Variants in ATG3 observed in about 807,000 individuals in gnomAD.
ATG3 encodes the protein ubiquitin-like-conjugating enzyme ATG3.
ATG3 carries 25 observed loss-of-function variants against 50.7 expected under a neutral mutation model. The observed-to-expected ratio is 0.49, with a 90% confidence interval of 0.36 to 0.69. ATG3 has a LOEUF of 0.69. Ranked by LOEUF, ATG3 falls within the 30% of genes least tolerant of loss-of-function variation. ATG3 has a pLI of 0.00. For missense variants in ATG3, 281 were observed against 376.0 expected (o/e 0.75, Z 2.09); for synonymous variants, 119 against 125.5 (o/e 0.95, Z 0.34).
chr3:112,540,609 G>C (rs1174556302), intron 7 of ATG3, among the ~76,000 whole-genome samples: 1 of 151,550 alleles, frequency 6.6e-6, no homozygotes, highest in Non-Finnish European at 1.5e-5. Flanking sequence ...AAAAATCTGG[G>C]AGTACAGAGA....
intron 11 of ATG3, 80 bp from the exon 12 acceptor site, chr3:112,532,860 T>C: frequency 7.2e-7 from 1 of 1,384,246 alleles, no homozygotes; most frequent in Non-Finnish European, 9.4e-7. Flanking sequence ...TCCATTTTAT[T>C]AAGCCATTAA....
intron 2 of ATG3, among the ~76,000 whole-genome samples, chr3:112,556,903 T>C (rs1445084877): frequency 6.6e-6 from 1 of 151,616 alleles, no homozygotes; most frequent in African/African-American, 2.4e-5. Context: ...GGCCACAGGG[T>C]CCTCTGCCTA....
intron 11 of ATG3, chr3:112,533,215 G>C: frequency 2.0e-6 from 2 of 985,384 alleles, no homozygotes; most frequent in Non-Finnish European, 2.4e-6. Context: ...ACTGATTCTA[G>C]GTTAGTGTAT....
chr3:112,553,724 G>A (rs1312729450), intron 2 of ATG3, among the ~76,000 whole-genome samples: 1 of 152,016 alleles, frequency 6.6e-6, no homozygotes, highest in Non-Finnish European at 1.5e-5. Context: ...GCCAATGACT[G>A]AAAATACAAT....
chr3:112,536,612 TA>T lies in ATG3; in HGVS notation c.667-11del, dbSNP rs1177825604. On this transcript the variant is annotated splice_polypyrimidine_tract_variant and intron_variant, in intron 9 of 11. Coordinates refer to ENST00000283290, the MANE Select transcript of ATG3 (RefSeq NM_022488.5). ...TTAAAGGCTGCCGTTGCTGAAAGCA[TA>T]AAAAATGCTTTGAAATTACTATTTA... 1.9e-6 allele frequency: 3 copies of T among 1,612,050 alleles called. No homozygotes were observed. Among genetic ancestry groups the T allele is most frequent in the Non-Finnish European group, 2.5e-6 (3 of 1,178,310 alleles).
chr3:112,536,185 C>T (rs1460466038), intron 10 of ATG3: 3 of 317,156 alleles, frequency 9.5e-6, no homozygotes, highest in Non-Finnish European at 1.8e-5. Flanking sequence ...CCAAACTGTT[C>T]TGGAAGCTAA....
At chr3:112,542,631 A>G (rs1417156040) in intron 6 of ATG3, among the ~76,000 whole-genome samples, 1 of 152,110 alleles carries the variant, frequency 6.6e-6, no homozygotes, top group Non-Finnish European at 1.5e-5. Context: ...ACAAAACCAC[A>G]AAACCATCAG....
chr3:112,550,627 T>A (rs1354273761), intron 3 of ATG3, among the ~76,000 whole-genome samples: 5 of 152,190 alleles, frequency 3.3e-5, no homozygotes, highest in Non-Finnish European at 4.4e-5. Context: ...CTCACATTTT[T>A]AATCCTAAAG....
chr3:112,533,080 A>T (rs1559840702), intron 11 of ATG3: 2 of 1,020,546 alleles, frequency 2.0e-6, no homozygotes, highest in Non-Finnish European at 2.3e-6. Flanking sequence ...AATGAGTACA[A>T]AATGTACTCA....
chr3:112,535,737 T>C (rs1933024731), intron 10 of ATG3: 1 of 152,198 alleles, frequency 6.6e-6, no homozygotes, highest in African/African-American at 2.4e-5. Flanking sequence ...ACAAAATGTT[T>C]CATCTAACTA....
rs1933745006 is a variant in ATG3 at position 112,558,387 on chromosome 3, T to C, written c.103A>G (p.Thr35Ala). The C allele has an allele frequency of 6.2e-7, 1 of 1,605,244 alleles. No homozygotes were observed. The highest frequency in any genetic ancestry group is 1.1e-5 in the South Asian group (1 of 90,728). The change falls in exon 2 of 12, where the codon ACC becomes GCC. Residue 35 changes from threonine to alanine, a missense_variant. By Grantham distance (58) the Thr-to-Ala change is moderately conservative. Around this residue, in one of 3 missense-constraint regions of ATG3, gnomAD observed 17 missense variants for 48.2 expected, o/e 0.35. Coordinates refer to ENST00000283290, the MANE Select transcript of ATG3 (RefSeq NM_022488.5). ...TCTTCAGCACTCACCTCTTCTGGGG[T>C]AATTACACCTGTTTCCTTAAACTTT... is the stretch of plus-strand genomic sequence containing the variant. ...ESKFKETGVI[T>A]PEEFVAAGDH...
rs1933127099 is a variant in ATG3, at chr3:112,538,198, C to T, written c.476-18G>A. 2 of 1,556,752 alleles carry T rather than the reference C, an allele frequency of 1.3e-6. No homozygotes were observed. The highest frequency in any genetic ancestry group is 2.8e-5 in the African/African-American group (2 of 72,498). Reference sequence around the variant, plus strand: ...TTCATATTCTGTTATAAAAAAACAACAAAAGATTAATCAAGTTCAAGTTCA... The same window carrying T: ...TTCATATTCTGTTATAAAAAAACAATAAAAGATTAATCAAGTTCAAGTTCA... On this transcript the variant is annotated intron_variant, in intron 7 of 11. Transcript: ENST00000283290.
chr3:112,538,013 AG>A (rs1256058876), intron 8 of ATG3, 123 bp from the exon 9 acceptor site: 11 of 1,235,536 alleles, frequency 8.9e-6, no homozygotes, highest in Non-Finnish European at 1.2e-5. Context: ...TGGAACTCAA[AG>A]CTACGTTTTA....
chr3:112,543,658 T>C lies in ATG3; in HGVS notation c.393+399A>G, dbSNP rs1933292125. Among the ~76,000 whole-genome samples, 3 of 152,168 alleles carry C rather than the reference T, an allele frequency of 2.0e-5. No homozygotes were observed. The South Asian group carries it at 6.2e-4, about 32-fold the overall frequency. On this transcript the variant is annotated intron_variant, in intron 6 of 11. Coordinates refer to ENST00000283290, the MANE Select transcript of ATG3 (RefSeq NM_022488.5). ...TTAATATATCATTAGCATCTACTAG[T>C]AAGCAAGTAGTTAATTCCACCCCAA...
Position 112,558,224 on chromosome 3 carries a change from GGGA to G in ATG3, c.114+149_114+151del, listed in dbSNP as rs1485504855. 2.4e-5 allele frequency: 14 copies of G among 591,038 alleles called. No homozygotes were observed. In the Admixed American group the frequency reaches 4.5e-4, roughly 19 times the overall value. The allele number at this position is 591,038 out of a possible 1,614,324, so 36.6% of individuals were successfully genotyped here. On this transcript the variant is annotated intron_variant, in intron 2 of 11. Coordinates refer to ENST00000283290, the MANE Select transcript of ATG3 (RefSeq NM_022488.5). ...GGGGAAGTTACATCTTTTCTTCTAT[GGGA>G]AGTAGAAATTCCCATAAATCACAGT...
intron 5 of ATG3, among the ~76,000 whole-genome samples, chr3:112,547,196 G>T (rs966454594): frequency 6.6e-6 from 1 of 152,220 alleles, no homozygotes; most frequent in Non-Finnish European, 1.5e-5. Context: ...GTATCCAGTG[G>T]TTACAGGCCA....
At chr3:112,548,683 G>A (rs764973989) in intron 4 of ATG3, 43 bp from the exon 5 acceptor site, 2 of 1,489,060 alleles carry the variant, frequency 1.3e-6, no homozygotes, top group Admixed American at 1.7e-5. Flanking sequence ...CACGTAATCT[G>A]CTAACCATAA....
chr3:112,559,688 C>T (rs1416102869), intron 1 of ATG3, among the ~76,000 whole-genome samples: 1 of 152,178 alleles, frequency 6.6e-6, no homozygotes, highest in African/African-American at 2.4e-5. Flanking sequence ...AGAGCACATG[C>T]AAAACCCCAA....
At chr3:112,561,363 G>T (rs1480595451) in intron 1 of ATG3, 94 bp downstream of exon 1, 34 of 1,315,774 alleles carry the variant, frequency 2.6e-5, no homozygotes, top group Non-Finnish European at 3.6e-5. Flanking sequence ...CCTACACCTT[G>T]CCCCGCCGGA....
Sources: gnomAD v4.1 joint callset for allele counts (sites outside exome capture counted in the v4.1 genomes callset) on GRCh38, gnomAD v4.1.1 for gene constraint, gnomAD v4.1.1 regional missense constraint, MANE v1.5 for transcripts, NCBI Gene and HGNC (gene_info 2026-07-23, HGNC 2026-07-21) for gene names.